Variants in FREM2 observed in about 807,000 individuals in gnomAD.
FREM2 encodes FRAS1-related extracellular matrix protein 2.
Under a neutral mutation model 219.9 loss-of-function variants are expected in FREM2, and 119 were observed. The observed-to-expected ratio is 0.54, with a 90% confidence interval of 0.47 to 0.63. FREM2 has a LOEUF of 0.63. Among genes scored for constraint, FREM2 ranks in the 30% least tolerant of loss-of-function variants. The pLI, the probability that FREM2 is intolerant of heterozygous loss-of-function variation, is 0.00. For synonymous variants in FREM2, 1,562 were observed against 1,522.8 expected, an observed-to-expected ratio of 1.03 and a Z score of -0.60; for missense variants, 4,030 against 3,993.6, an observed-to-expected ratio of 1.01 and a Z score of -0.25.
chr13:38,769,485 C>A, intron 3 of FREM2, 93 bp from the exon 4 acceptor site: 1 of 1,157,032 alleles, frequency 8.6e-7, no homozygotes, highest in Non-Finnish European at 1.3e-6. Context: ...CTTTGCTTTT[C>A]AGGATAAAAT....
chr13:38,763,871 T>C (rs1244942577), intron 2 of FREM2, among the ~76,000 whole-genome samples: 1 of 152,168 alleles, frequency 6.6e-6, no homozygotes, highest in Non-Finnish European at 1.5e-5. Context: ...ACCCAATTGC[T>C]CTGTGAACCG....
chr13:38,752,310 A>G (rs1175878060), intron 2 of FREM2, among the ~76,000 whole-genome samples: 1 of 152,168 alleles, frequency 6.6e-6, no homozygotes, highest in Non-Finnish European at 1.5e-5. Context: ...AATGCTATAT[A>G]TGTCTTTTTA....
Position 38,883,116 on chromosome 13 carries a change from CCTCT to C in FREM2, c.*2333_*2336del, listed in dbSNP as rs1043451466. ...TCTCTGTCCTCTATTCTCTTACTCT[CCTCT>C]CTCCCTTTTTCCTTCCCTTTATTCC... On this transcript the variant is annotated 3_prime_UTR_variant, in exon 24 of 24. Transcript: ENST00000280481. 1.3e-5 allele frequency: 2 copies of C among 152,144 alleles called. No individual in the cohort carries two copies. Among genetic ancestry groups the C allele is most frequent in the Non-Finnish European group, 2.9e-5 (2 of 68,024 alleles). 9.4% of individuals were successfully genotyped at this position (152,144 alleles called of 1,614,324 possible). A position where few individuals can be genotyped will look rare whatever the true frequency, so the allele number is the denominator to read the frequency against.
At chr13:38,754,359 T>C (rs1315052308) in intron 2 of FREM2, among the ~76,000 whole-genome samples, 1 of 152,164 alleles carries the variant, frequency 6.6e-6, no homozygotes, top group African/African-American at 2.4e-5. Flanking sequence ...TTTTGCTTCT[T>C]TCCAATAGCA....
chr13:38,687,763 A>T lies in FREM2; in HGVS notation c.419A>T (p.His140Leu). 2.6e-6 allele frequency: 4 copies of T among 1,541,066 alleles called. No individual in the cohort carries two copies. The highest frequency in any genetic ancestry group is 2.6e-6 in the Non-Finnish European group (3 of 1,140,684). Residue 140 changes from histidine (H) to leucine (L), a missense_variant, in exon 1 of 24, where the codon CAC becomes CTC. Coordinates refer to ENST00000280481, the MANE Select transcript of FREM2 (RefSeq NM_207361.6). ...DFGPGEVRYS[H>L]LGARSPSRDR... ...GGCCCTGGCGAGGTGCGCTACTCTCACCTGGGCGCGCGCAGCCCGTCTCGG... is the reference window on the plus strand; with the variant it reads ...GGCCCTGGCGAGGTGCGCTACTCTCTCCTGGGCGCGCGCAGCCCGTCTCGG...
rs769225354 is a variant in FREM2 at position 38,850,038 on chromosome 13, T to G, written c.6380T>G (p.Leu2127Trp). The G allele has an allele frequency of 1.9e-6, 3 of 1,613,172 alleles. No homozygotes were observed. Residue 2127 changes from leucine to tryptophan, a missense_variant and splice_region_variant, in exon 9 of 24, where the codon TTG becomes TGG. Physicochemically the swap from Leu to Trp is moderately conservative, Grantham distance 61 (BLOSUM62 -2). Around this residue, in one of 2 missense-constraint regions of FREM2, gnomAD observed 3,102 missense variants for 2,950.7 expected, o/e 1.05. Transcript: ENST00000280481. ...TVSINDSVSDLPKMQFKERIY... is the reference protein window; with the variant it reads ...TVSINDSVSDWPKMQFKERIY... ...TCACTTTAATCCTTTGTTTTTGCAG[T>G]GCCTAAGATGCAATTCAAAGAACGA...
At chr13:38,825,373 A>C (rs374562444) in intron 6 of FREM2, among the ~76,000 whole-genome samples, 1 of 152,010 alleles carries the variant, frequency 6.6e-6, no homozygotes, top group Non-Finnish European at 1.5e-5. Context: ...TATTCTTCCT[A>C]TTACTTACTG....
chr13:38,743,966 G>A (rs911451993), intron 2 of FREM2, among the ~76,000 whole-genome samples: 6 of 151,888 alleles, frequency 4.0e-5, no homozygotes, highest in Non-Finnish European at 7.4e-5. Context: ...ATAATTACAG[G>A]TAAATATGAT....
intron 6 of FREM2, among the ~76,000 whole-genome samples, chr13:38,845,612 C>T (rs573723311): frequency 2.2e-4 from 33 of 152,170 alleles, no homozygotes; most frequent in South Asian, 6.2e-4. Flanking sequence ...TAAAAATAAG[C>T]TCAAAATGAG....
intron 2 of FREM2, among the ~76,000 whole-genome samples, chr13:38,755,911 G>C (rs1033597424): frequency 1.3e-5 from 2 of 152,188 alleles, no homozygotes; most frequent in African/African-American, 4.8e-5. Context: ...CAAATTAGCA[G>C]GTAACCATGC....
chr13:38,743,415 G>A (rs1214702397), intron 2 of FREM2, among the ~76,000 whole-genome samples: 1 of 151,726 alleles, frequency 6.6e-6, no homozygotes, highest in East Asian at 1.9e-4. Context: ...CATTATTTCA[G>A]GCCCCCAGCA....
chr13:38,707,401 T>A (rs1054787147), intron 2 of FREM2, among the ~76,000 whole-genome samples: 4 of 152,228 alleles, frequency 2.6e-5, no homozygotes, highest in Non-Finnish European at 2.9e-5. Flanking sequence ...TTCTGCATGT[T>A]AATTTCATGC....
chr13:38,708,568 C>A (rs1481872165), intron 2 of FREM2, among the ~76,000 whole-genome samples: 1 of 151,960 alleles, frequency 6.6e-6, no homozygotes, highest in Non-Finnish European at 1.5e-5. Context: ...GCAGGAGAAT[C>A]ACCTGAACCC....
chr13:38,835,794 G>A (rs541934114), intron 6 of FREM2, among the ~76,000 whole-genome samples: 1 of 152,078 alleles, frequency 6.6e-6, no homozygotes, highest in African/African-American at 2.4e-5. Flanking sequence ...CACATTCTCA[G>A]TATCCTGAGA....
At position 38,852,150 on chromosome 13, in the gene FREM2, A is replaced by C. The variant is rs984316698; in HGVS notation, c.6925+282A>C. Among the ~76,000 whole-genome samples the C allele has an allele frequency of 2.6e-5, 4 of 152,010 alleles. No individual in the cohort carries two copies. The East Asian group carries it at 7.7e-4, about 29-fold the overall frequency. On this transcript the variant is annotated intron_variant, in intron 11 of 23. Coordinates refer to ENST00000280481, the MANE Select transcript of FREM2 (RefSeq NM_207361.6). ...CCTCCTGCCACTCCCCCACCCTCCC[A>C]AGCCTTCAGTGTTTATCATTCCACA...
At chr13:38,842,871 T>A (rs554313249) in intron 6 of FREM2, among the ~76,000 whole-genome samples, 8 of 152,224 alleles carry the variant, frequency 5.3e-5, no homozygotes, top group Non-Finnish European at 1.0e-4. Context: ...GAAATAAATG[T>A]GATCCTATCT....
In FREM2 at chr13:38,688,119, T is replaced by C. The variant is rs1440098076; in HGVS notation, c.775T>C (p.Phe259Leu). ...PETLLMDCKA[F>L]QELGVRYRHT... ...GACTCTCCTGATGGACTGCAAAGCT[T>C]TCCAGGAACTAGGCGTGCGCTATCG... Residue 259 changes from phenylalanine (F) to leucine (L), a missense_variant, in exon 1 of 24, where the codon TTC becomes CTC. By Grantham distance (22) the Phe-to-Leu change is conservative. Coordinates refer to ENST00000280481, the MANE Select transcript of FREM2 (RefSeq NM_207361.6). 3 of 1,613,152 alleles carry C rather than the reference T, an allele frequency of 1.9e-6. No individual in the cohort carries two copies. The highest frequency in any genetic ancestry group is 2.5e-6 in the Non-Finnish European group (3 of 1,179,680).
At chr13:38,709,401 T>A (rs983073970) in intron 2 of FREM2, among the ~76,000 whole-genome samples, 4 of 152,184 alleles carry the variant, frequency 2.6e-5, no homozygotes, top group African/African-American at 9.7e-5. Flanking sequence ...TAAATCATTA[T>A]GCCAATTGTA....
intron 2 of FREM2, among the ~76,000 whole-genome samples, chr13:38,725,524 C>T (rs1170180510): frequency 6.6e-6 from 1 of 152,136 alleles, no homozygotes; most frequent in African/African-American, 2.4e-5. Context: ...CCTGGAAAGA[C>T]CGGGGAGAAA....
Sources: allele counts gnomAD v4.1 joint callset (sites outside exome capture counted in the v4.1 genomes callset), GRCh38; gene constraint gnomAD v4.1.1; regional missense constraint gnomAD v4.1.1; transcripts MANE v1.5; gene names NCBI Gene and HGNC (gene_info 2026-07-23, HGNC 2026-07-21).